Variants in TCERG1L observed in about 807,000 individuals in gnomAD.
TCERG1L encodes transcription elongation regulator 1-like protein.
TCERG1L carries 37 observed loss-of-function variants against 56.3 expected under a neutral mutation model. The ratio of observed to expected loss-of-function variants is 0.66; its 90% CI spans 0.51 to 0.87. TCERG1L has a LOEUF of 0.87. TCERG1L is among the 40% of genes least tolerant of loss of function. The pLI, the probability that TCERG1L is intolerant of heterozygous loss-of-function variation, is 0.00. For synonymous variants in TCERG1L, 324 were observed against 326.3 expected (o/e 0.99, Z 0.08); for missense variants, 799 against 774.2 (o/e 1.03, Z -0.38).
chr10:131,265,978 C>T (rs117900706), intron 3 of TCERG1L, among the ~76,000 whole-genome samples: 3,085 of 152,320 alleles, frequency 0.02, 79 homozygotes, highest in East Asian at 0.078. Context: ...GCATTTTAGC[C>T]GCAGTAGAAC....
chr10:131,310,339 A>G (rs928083892), intron 1 of TCERG1L, among the ~76,000 whole-genome samples: 1 of 152,234 alleles, frequency 6.6e-6, no homozygotes, highest in Non-Finnish European at 1.5e-5. Context: ...ACATAAAAAT[A>G]CAATATCCAG....
chr10:131,176,991 G>T (rs11017789), intron 4 of TCERG1L, among the ~76,000 whole-genome samples: 5 of 55,340 alleles, frequency 9.0e-5, no homozygotes, highest in South Asian at 3.8e-4. Flanking sequence ...CACCAAGACA[G>T]GTGTACACAC....
intron 8 of TCERG1L, among the ~76,000 whole-genome samples, chr10:131,117,361 A>G (rs1845470377): frequency 2.0e-5 from 3 of 152,160 alleles, no homozygotes; most frequent in Admixed American, 1.3e-4. Flanking sequence ...CCGAACAATC[A>G]TTTCACTCAC....
intron 4 of TCERG1L, among the ~76,000 whole-genome samples, chr10:131,235,248 A>G (rs895358475): frequency 6.6e-6 from 1 of 152,236 alleles, no homozygotes; most frequent in African/African-American, 2.4e-5. Flanking sequence ...GGCAATTTCA[A>G]TGATGATGGC....
chr10:131,156,485 A>G (rs967809208), intron 6 of TCERG1L, among the ~76,000 whole-genome samples: 4 of 152,166 alleles, frequency 2.6e-5, no homozygotes, highest in Non-Finnish European at 5.9e-5. Flanking sequence ...GCCCTTTGAA[A>G]AATGCTTACA....
At chr10:131,282,656 T>C (rs1463444398) in intron 3 of TCERG1L, among the ~76,000 whole-genome samples, 2 of 152,208 alleles carry the variant, frequency 1.3e-5, no homozygotes, top group African/African-American at 2.4e-5. Context: ...CCAGCACATA[T>C]ACCAGTACAT....
intron 8 of TCERG1L, among the ~76,000 whole-genome samples, chr10:131,131,355 A>G (rs1845616297): frequency 6.6e-6 from 1 of 152,204 alleles, no homozygotes; most frequent in Non-Finnish European, 1.5e-5. Context: ...CAAAGATCAA[A>G]GCAGGTCTGA....
At chr10:131,293,262 T>G (rs555959201) in intron 3 of TCERG1L, among the ~76,000 whole-genome samples, 1 of 152,326 alleles carries the variant, frequency 6.6e-6, no homozygotes, top group South Asian at 2.1e-4. Flanking sequence ...AAAGCTAACT[T>G]CTGCATTGCT....
intron 7 of TCERG1L, among the ~76,000 whole-genome samples, chr10:131,138,038 G>A (rs766425785): frequency 6.6e-6 from 1 of 152,216 alleles, no homozygotes; most frequent in Non-Finnish European, 1.5e-5. Flanking sequence ...GGACGCAGAG[G>A]TGGGCAGATC....
At chr10:131,291,397 A>ATTTTTTTTTTTTT in intron 3 of TCERG1L, among the ~76,000 whole-genome samples, 1 of 60,234 alleles carries the variant, frequency 1.7e-5, no homozygotes, top group Non-Finnish European at 3.2e-5. Flanking sequence ...CATAAACAGC[A>ATTTTTTTTTTTTT]TTTCTTTTTT....
chr10:131,187,472 T>C (rs1283219320), intron 4 of TCERG1L, among the ~76,000 whole-genome samples: 2 of 152,084 alleles, frequency 1.3e-5, no homozygotes, highest in African/African-American at 4.8e-5. Context: ...TCTGCTGCTA[T>C]CCAAACAGGA....
chr10:131,176,747 C>A (rs1589737597), intron 4 of TCERG1L, among the ~76,000 whole-genome samples: 1 of 46,556 alleles, frequency 2.1e-5, no homozygotes, highest in Non-Finnish European at 4.8e-5. Context: ...GGCACGTGCA[C>A]ACACACCAAA....
In TCERG1L at chr10:131,111,143, C is replaced by T. The variant is rs779934331; in HGVS notation, c.1395+5656G>A. On this transcript the variant is annotated intron_variant, in intron 9 of 11. Transcript: ENST00000368642. ...GGCCTCAGATCAGGGGCGCAGTCCA[C>T]GGCCTCTCCAAGGAAAGCTGGAGCC... 4.9e-5 allele frequency among the ~76,000 whole-genome samples: 7 copies of T among 143,398 alleles called. 1 individual carries two copies. The highest frequency in any genetic ancestry group is 7.4e-5 in the African/African-American group (3 of 40,642). 94.1% of individuals were successfully genotyped at this position (143,398 alleles called of 152,430 possible). A position where few individuals can be genotyped will look rare whatever the true frequency, so the allele number is the denominator to read the frequency against.
intron 4 of TCERG1L, among the ~76,000 whole-genome samples, chr10:131,213,138 G>A (rs185672785): frequency 2.6e-4 from 40 of 152,356 alleles, no homozygotes; most frequent in African/African-American, 9.4e-4. Context: ...AGGACTGGCT[G>A]CAGCCCCCAG....
At chr10:131,175,898 T>G in intron 4 of TCERG1L, among the ~76,000 whole-genome samples, 1 of 152,146 alleles carries the variant, frequency 6.6e-6, no homozygotes, top group South Asian at 2.1e-4. Flanking sequence ...AGGAAGGCAG[T>G]AGAGATTCAT....
intron 4 of TCERG1L, among the ~76,000 whole-genome samples, chr10:131,237,467 G>A (rs974516539): frequency 3.9e-5 from 6 of 152,188 alleles, no homozygotes; most frequent in African/African-American, 1.2e-4. Context: ...GACTCAGTAG[G>A]CATGAGTGTT....
Position 131,260,455 on chromosome 10 carries a change from G to C in TCERG1L, c.671-11C>G, listed in dbSNP as rs760484752. On this transcript the variant is annotated splice_polypyrimidine_tract_variant and intron_variant, in intron 3 of 11. Coordinates refer to ENST00000368642, the MANE Select transcript of TCERG1L (RefSeq NM_174937.4). The surrounding 1 kb of genome is among the most constrained non-coding windows in gnomAD (Gnocchi z 5.8). ...TGTTATGGCAGCCACCTGCGGAAGA[G>C]GGATGCAGAGGGTCAGCAAGGGGAC... 3 of 1,388,242 alleles carry C rather than the reference G, an allele frequency of 2.2e-6. No homozygotes were observed. In the East Asian group the frequency reaches 9.3e-5, roughly 43 times the overall value. The allele number at this position is 1,388,242 out of a possible 1,614,324, so 86.0% of individuals were successfully genotyped here. A position where few individuals can be genotyped will look rare whatever the true frequency, so the allele number is the denominator to read the frequency against.
chr10:131,176,090 G>C (rs1241502601), intron 4 of TCERG1L, among the ~76,000 whole-genome samples: 1 of 152,198 alleles, frequency 6.6e-6, no homozygotes, highest in African/African-American at 2.4e-5. Flanking sequence ...CCGGGTGCTA[G>C]AGCAAGCACC....
At chr10:131,208,370 A>G (rs973489353) in intron 4 of TCERG1L, among the ~76,000 whole-genome samples, 10 of 152,090 alleles carry the variant, frequency 6.6e-5, no homozygotes, top group African/African-American at 2.4e-4. Flanking sequence ...TTTCCTTAAC[A>G]TGGCTGCTCC....
Sources: gnomAD v4.1 joint callset for allele counts (sites outside exome capture counted in the v4.1 genomes callset) on GRCh38, gnomAD v4.1.1 for gene constraint, Gnocchi (gnomAD v3.1) non-coding constraint, MANE v1.5 for transcripts, NCBI Gene and HGNC (gene_info 2026-07-23, HGNC 2026-07-21) for gene names.